SRRM4: variants seen among roughly 807,000 people sequenced by gnomAD.
SRRM4 encodes the protein serine/arginine repetitive matrix protein 4.
SRRM4 carries 33 observed loss-of-function variants against 68.9 expected under a neutral mutation model. The observed-to-expected ratio is 0.48, with a 90% CI of 0.36 to 0.64. The LOEUF (loss-of-function observed/expected upper bound fraction) is 0.64, where lower values mean the gene tolerates loss of function less well. Ranked by LOEUF, SRRM4 falls within the 30% of genes least tolerant of loss-of-function variation. The probability of loss-of-function intolerance (pLI) is 0.00; values close to 1 mark genes in which losing one functional copy is unlikely to be tolerated. For synonymous variants in SRRM4, 318 were observed against 318.8 expected, an observed-to-expected ratio of 1.00 and a Z score of 0.03; for missense variants, 817 against 827.1, an observed-to-expected ratio of 0.99 and a Z score of 0.15.
intron 1 of SRRM4, among the ~76,000 whole-genome samples, chr12:119,023,240 T>A (rs1247136493): frequency 6.6e-6 from 1 of 152,180 alleles, no homozygotes; most frequent in African/African-American, 2.4e-5. Flanking sequence ...TGGATAATGG[T>A]GTGTCTCAGT....
At chr12:119,120,012 G>A (rs868649073) in intron 4 of SRRM4, among the ~76,000 whole-genome samples, 2 of 151,416 alleles carry the variant, frequency 1.3e-5, no homozygotes, top group South Asian at 2.1e-4. Flanking sequence ...TAGGTGTCCC[G>A]ACCCCCTGTA....
intron 8 of SRRM4, among the ~76,000 whole-genome samples, chr12:119,136,909 C>T (rs1954332650): frequency 6.6e-6 from 1 of 152,072 alleles, no homozygotes; most frequent in Non-Finnish European, 1.5e-5. Context: ...TGGGATAGCC[C>T]CAGCCCTAAA....
In SRRM4 at chr12:119,024,477, C is replaced by T. The variant is rs138898337; in HGVS notation, c.131+42464C>T. 3.4e-4 allele frequency among the ~76,000 whole-genome samples: 52 copies of T among 152,324 alleles called. 1 individual carries two copies. Among genetic ancestry groups the T allele is most frequent in the Admixed American group, 2.7e-3 (41 of 15,300 alleles). Reference sequence around the variant, plus strand: ...CCCTGCAAGCCCCCTCGGCTGGGCCCCTTTGTGTAACTCAGCAACACACAC... The same window carrying T: ...CCCTGCAAGCCCCCTCGGCTGGGCCTCTTTGTGTAACTCAGCAACACACAC... On this transcript the variant is annotated intron_variant, in intron 1 of 12. Transcript: ENST00000267260.
In SRRM4 at chr12:119,114,365, G is replaced by A. The variant is rs780454278; in HGVS notation, c.365+1G>A. The A allele has an allele frequency of 1.2e-6, 2 of 1,603,318 alleles. No homozygotes were observed. Among genetic ancestry groups the A allele is most frequent in the Admixed American group, 1.7e-5 (1 of 58,764 alleles). ...AATCCACTCGGAAGAAGAGAAGGAG[G>A]TAAGAGCACCAAGAGGGAGATAAAA... is the stretch of plus-strand genomic sequence containing the variant. On this transcript the variant is annotated splice_donor_variant, in intron 3 of 12. Transcript: ENST00000267260. LOFTEE classifies it high-confidence loss of function.
At chr12:119,090,163 A>G (rs183790292) in intron 1 of SRRM4, among the ~76,000 whole-genome samples, 2 of 152,244 alleles carry the variant, frequency 1.3e-5, no homozygotes, top group East Asian at 3.9e-4. Context: ...TCAAGCAGTG[A>G]TCTTGGGGGA....
chr12:119,012,695 T>A (rs1040899465), intron 1 of SRRM4, among the ~76,000 whole-genome samples: 1 of 152,206 alleles, frequency 6.6e-6, no homozygotes. Context: ...GTGGTCTCTA[T>A]CCTTGTTCTT....
In SRRM4 at chr12:119,154,748, A is replaced by G. The variant is rs1347287721; in HGVS notation, c.1532+365A>G. On this transcript the variant is annotated intron_variant, in intron 12 of 12. Coordinates refer to ENST00000267260, the MANE Select transcript of SRRM4 (RefSeq NM_194286.4). The surrounding 1 kb of genome is among the most constrained non-coding windows in gnomAD (Gnocchi z 4.7). Reference sequence around the variant, plus strand: ...AGGCCAGGGAATGGAGGCCAAAGCAATGGAGCAGGACCTTGGCCTGGTGGT... The same window carrying G: ...AGGCCAGGGAATGGAGGCCAAAGCAGTGGAGCAGGACCTTGGCCTGGTGGT... Among the ~76,000 whole-genome samples, 1 of 152,174 alleles carries G rather than the reference A, an allele frequency of 6.6e-6. No individual in the cohort carries two copies. The highest frequency in any genetic ancestry group is 1.5e-5 in the Non-Finnish European group (1 of 68,028).
rs2136070441 is a variant in SRRM4, at chr12:119,154,591, G to T, written c.1532+208G>T. 6.6e-6 allele frequency among the ~76,000 whole-genome samples: 1 copy of T among 152,316 alleles called. No homozygotes were observed. Among genetic ancestry groups the T allele is most frequent in the East Asian group, 1.9e-4 (1 of 5,170 alleles). ...TCTCCCAGCTCAACCAGCAGGGCCT[G>T]CAAGAAGGGGGCGGGGCCAGCCTGA... On this transcript the variant is annotated intron_variant, in intron 12 of 12. Transcript: ENST00000267260. This position sits in a 1 kb window ranked among gnomAD's most constrained non-coding sequence, Gnocchi z 4.7.
chr12:119,001,999 A>AG, intron 1 of SRRM4, among the ~76,000 whole-genome samples: 1 of 136,422 alleles, frequency 7.3e-6, no homozygotes, highest in Middle Eastern at 3.9e-3. Flanking sequence ...AAAAAAAAAA[A>AG]AATCACACAA....
chr12:119,044,085 T>TCGAACTC (rs1449003141), intron 1 of SRRM4, among the ~76,000 whole-genome samples: 1 of 152,168 alleles, frequency 6.6e-6, no homozygotes, highest in Admixed American at 6.5e-5. Context: ...CAGGCTGGTC[T>TCGAACTC]CGAACTCCTG....
chr12:119,110,179 C>T (rs1248582608), intron 2 of SRRM4, among the ~76,000 whole-genome samples: 3 of 152,194 alleles, frequency 2.0e-5, no homozygotes. Flanking sequence ...CTGATCCTTC[C>T]TCTGGAATCT....
At chr12:119,004,482 G>A (rs1458146798) in intron 1 of SRRM4, among the ~76,000 whole-genome samples, 1 of 152,006 alleles carries the variant, frequency 6.6e-6, no homozygotes, top group Non-Finnish European at 1.5e-5. Context: ...GGAGCCTACA[G>A]CAGAGAGCTT....
In SRRM4 at chr12:119,156,928, G is replaced by T; in HGVS notation, c.*130G>T. 8.7e-7 allele frequency: 1 copy of T among 1,152,598 alleles called. No homozygotes were observed. Among genetic ancestry groups the T allele is most frequent in the Non-Finnish European group, 1.2e-6 (1 of 842,226 alleles). The allele number at this position is 1,152,598 out of a possible 1,614,324, so 71.4% of individuals were successfully genotyped here. On this transcript the variant is annotated 3_prime_UTR_variant, in exon 13 of 13. Coordinates refer to ENST00000267260, the MANE Select transcript of SRRM4 (RefSeq NM_194286.4). ...CCTTGTCCTTCCTGCTTGCCTAGGG[G>T]AAGAGGAGAAGAGGGTAAGGGGGCT...
chr12:119,020,288 T>C lies in SRRM4; in HGVS notation c.131+38275T>C, dbSNP rs565931952. The stretch of plus-strand genomic sequence containing the variant: ...AGGTTGCAAAGTGTGTTATTTGTCC[T>C]TGCTATTTTATTTCCCTGTACCCAA... On this transcript the variant is annotated intron_variant, in intron 1 of 12. Transcript: ENST00000267260. Among the ~76,000 whole-genome samples the C allele has an allele frequency of 1.5e-4, 23 of 152,264 alleles. 1 individual carries two copies. In the South Asian group the frequency reaches 4.8e-3, roughly 32 times the overall value.
In SRRM4 at chr12:119,160,360, T is replaced by C. The variant is rs1426152724; in HGVS notation, c.*3562T>C. The C allele has an allele frequency of 6.6e-6, 1 of 151,994 alleles. No individual in the cohort carries two copies. The allele number at this position is 151,994 out of a possible 1,614,324, so 9.4% of individuals were successfully genotyped here. On this transcript the variant is annotated 3_prime_UTR_variant, in exon 13 of 13. Coordinates refer to ENST00000267260, the MANE Select transcript of SRRM4 (RefSeq NM_194286.4). Reference sequence around the variant, plus strand: ...CTACTTTCTTTTACATTTCCTTTTTTTCTATCCAAAAACAATGTGCTTGTT... The same window carrying C: ...CTACTTTCTTTTACATTTCCTTTTTCTCTATCCAAAAACAATGTGCTTGTT...
At chr12:119,151,321 C>T in intron 10 of SRRM4, 101 bp downstream of exon 10, 1 of 1,138,122 alleles carries the variant, frequency 8.8e-7, no homozygotes, top group South Asian at 1.3e-5. Context: ...GTCAGACGGA[C>T]TTAGGTTTGA....
chr12:119,120,125 T>A, intron 4 of SRRM4, 125 bp from the exon 5 acceptor site: 6 of 486,922 alleles, frequency 1.2e-5, no homozygotes, highest in East Asian at 4.3e-5. Context: ...TCACCATCCC[T>A]CCCTTTCTTC....
chr12:119,033,328 TTA>T, intron 1 of SRRM4, among the ~76,000 whole-genome samples: 1 of 152,176 alleles, frequency 6.6e-6, no homozygotes, highest in Non-Finnish European at 1.5e-5. Context: ...ACCCTAGAGA[TTA>T]TGTTATTTCA....
At chr12:118,998,319 C>T (rs1350573644) in intron 1 of SRRM4, among the ~76,000 whole-genome samples, 2 of 132,038 alleles carry the variant, frequency 1.5e-5, no homozygotes, top group East Asian at 2.4e-4. Flanking sequence ...GTGTCAACAT[C>T]TCTAACCAAT....
Sources: allele counts gnomAD v4.1 joint callset (sites outside exome capture counted in the v4.1 genomes callset), GRCh38; gene constraint gnomAD v4.1.1; non-coding constraint Gnocchi (gnomAD v3.1); transcripts MANE v1.5; gene names NCBI Gene and HGNC (gene_info 2026-07-23, HGNC 2026-07-21).